The following NRG3 variants were observed in gnomAD, a reference collection of about 807,000 sequenced individuals.
NRG3 encodes neuregulin 3, also known as pro-neuregulin-3, membrane-bound isoform.
NRG3 carries 31 observed loss-of-function variants against 66.9 expected under a neutral mutation model. That is an observed-to-expected ratio of 0.46 (90% CI 0.35 to 0.63). NRG3 has a LOEUF of 0.63. Ranked by LOEUF, NRG3 falls within the 20% of genes least tolerant of loss-of-function variation. The pLI, the probability that NRG3 is intolerant of heterozygous loss-of-function variation, is 0.00. For synonymous variants in NRG3, 393 were observed against 359.4 expected, an observed-to-expected ratio of 1.09 and a Z score of -1.06; for missense variants, 910 against 878.9, an observed-to-expected ratio of 1.04 and a Z score of -0.45.
Position 82,093,513 on chromosome 10 carries a change from A to C in NRG3, c.823+217350A>C, listed in dbSNP as rs149182603. ...TATGTAATTACTGGGGCATTATGAA[A>C]GACTTCTGACATTGAGGAAATAGAT... On this transcript the variant is annotated intron_variant, in intron 1 of 8. Coordinates refer to ENST00000372141, the MANE Select transcript of NRG3 (RefSeq NM_001010848.4). Among the ~76,000 whole-genome samples, 484 of 152,336 alleles carry C rather than the reference A, an allele frequency of 3.2e-3. 4 individuals carry two copies. The highest frequency in any genetic ancestry group is 0.01 in the African/African-American group (425 of 41,582).
chr10:82,985,773 A>T lies in NRG3; in HGVS notation c.*168A>T. ...TTTTAACAAAATATTTTTTTAAGGG[A>T]AAGAAATGTTTCAGGAGGGATAAAG... On this transcript the variant is annotated 3_prime_UTR_variant, in exon 9 of 9. Transcript: ENST00000372141. 1.4e-6 allele frequency: 1 copy of T among 739,656 alleles called. No individual in the cohort carries two copies. The highest frequency in any genetic ancestry group is 1.8e-5 in the African/African-American group (1 of 56,278). 45.8% of individuals were successfully genotyped at this position (739,656 alleles called of 1,614,324 possible). A position where few individuals can be genotyped will look rare whatever the true frequency, so the allele number is the denominator to read the frequency against.
At chr10:82,705,557 C>A (rs1384866558) in intron 2 of NRG3, among the ~76,000 whole-genome samples, 1 of 152,178 alleles carries the variant, frequency 6.6e-6, no homozygotes, top group Non-Finnish European at 1.5e-5. Context: ...GCAGGGTCCA[C>A]AAGTGTTTTC....
chr10:82,028,226 C>T (rs1254377375), intron 1 of NRG3, among the ~76,000 whole-genome samples: 1 of 152,028 alleles, frequency 6.6e-6, no homozygotes, highest in East Asian at 1.9e-4. Context: ...GACACCATGC[C>T]TAGGAAACAC....
chr10:82,235,991 C>A (rs904864940), intron 1 of NRG3, among the ~76,000 whole-genome samples: 2 of 151,962 alleles, frequency 1.3e-5, no homozygotes, highest in African/African-American at 4.8e-5. Context: ...GACACGCACA[C>A]ACACACAGAC....
intron 3 of NRG3, among the ~76,000 whole-genome samples, chr10:82,843,639 A>G (rs1372796921): frequency 6.6e-6 from 1 of 152,218 alleles, no homozygotes; most frequent in Non-Finnish European, 1.5e-5. Context: ...CTAAAGACAG[A>G]TGTTAGGTGA....
rs149550824 is a variant in NRG3, at chr10:82,614,407, G to A, written c.954-124170G>A. Among the ~76,000 whole-genome samples, 534 of 152,260 alleles carry A rather than the reference G, an allele frequency of 3.5e-3. 1 individual carries two copies. Among genetic ancestry groups the A allele is most frequent in the Non-Finnish European group, 6.5e-3 (443 of 68,022 alleles). ...AGTATAAATACTAGAGCTTTATGCCGCTAGCTCAGAATTAATTTTTACAAA... is the reference window on the plus strand; with the variant it reads ...AGTATAAATACTAGAGCTTTATGCCACTAGCTCAGAATTAATTTTTACAAA... On this transcript the variant is annotated intron_variant, in intron 2 of 8. Transcript: ENST00000372141.
intron 1 of NRG3, among the ~76,000 whole-genome samples, chr10:81,994,749 C>T (rs187387416): frequency 4.6e-5 from 7 of 152,086 alleles, no homozygotes; most frequent in African/African-American, 1.7e-4. Context: ...ATATAGAAGT[C>T]AAATTTGAAG....
intron 1 of NRG3, among the ~76,000 whole-genome samples, chr10:82,111,515 A>G (rs1428959759): frequency 6.6e-6 from 1 of 152,112 alleles, no homozygotes; most frequent in South Asian, 2.1e-4. Flanking sequence ...GGCTTCCAAC[A>G]TTCTGTCATC....
chr10:82,327,194 A>G (rs2081917800), intron 1 of NRG3, among the ~76,000 whole-genome samples: 1 of 152,154 alleles, frequency 6.6e-6, no homozygotes, highest in African/African-American at 2.4e-5. Flanking sequence ...CTCAGAAGCA[A>G]GATTAGGATA....
intron 1 of NRG3, among the ~76,000 whole-genome samples, chr10:81,945,283 T>C (rs1273042682): frequency 4.6e-5 from 7 of 152,004 alleles, no homozygotes; most frequent in Non-Finnish European, 1.0e-4. Flanking sequence ...TCCTCCTCCT[T>C]CTTTTTCCTT....
intron 3 of NRG3, among the ~76,000 whole-genome samples, chr10:82,842,133 C>A (rs888294776): frequency 6.6e-6 from 1 of 152,154 alleles, no homozygotes; most frequent in Non-Finnish European, 1.5e-5. Context: ...CGCCTGTAAT[C>A]CCAGCTACTT....
In NRG3 at chr10:81,875,485, C is replaced by A; in HGVS notation, c.145C>A (p.Pro49Thr). Residue 49 changes from proline to threonine, a missense_variant, in exon 1 of 9, where the codon CCC (proline) becomes ACC (threonine). By Grantham distance (38) the Pro-to-Thr change is conservative. Transcript: ENST00000372141. This position sits in a 1 kb window ranked among gnomAD's most constrained non-coding sequence, Gnocchi z 5.3. Reference sequence around the variant, plus strand: ...CGGCGGCGAAGGGGCGGCCGAGCCCCCCCGGGAGTTACGCTGTAGCGACTG... The same window carrying A: ...CGGCGGCGAAGGGGCGGCCGAGCCCACCCGGGAGTTACGCTGTAGCGACTG... ...DGGGEGAAEP[P>T]RELRCSDCIV... 1 of 1,491,444 alleles carries A rather than the reference C, an allele frequency of 6.7e-7. No homozygotes were observed. The highest frequency in any genetic ancestry group is 1.4e-5 in the South Asian group (1 of 73,098). 92.4% of individuals were successfully genotyped at this position (1,491,444 alleles called of 1,614,324 possible).
At chr10:82,270,181 T>C (rs2078518940) in intron 1 of NRG3, among the ~76,000 whole-genome samples, 1 of 152,192 alleles carries the variant, frequency 6.6e-6, no homozygotes, top group East Asian at 1.9e-4. Context: ...GTCTGCACTC[T>C]GGAATACATC....
chr10:82,860,810 A>G (rs975114716), intron 3 of NRG3, among the ~76,000 whole-genome samples: 2 of 152,192 alleles, frequency 1.3e-5, no homozygotes, highest in African/African-American at 4.8e-5. Flanking sequence ...CTTCCACCCT[A>G]ATATCTGTGC....
intron 1 of NRG3, among the ~76,000 whole-genome samples, chr10:82,104,030 T>G (rs2066916952): frequency 6.6e-6 from 1 of 152,078 alleles, no homozygotes; most frequent in South Asian, 2.1e-4. Flanking sequence ...TCCACCCTCA[T>G]GTCAAAGTTG....
At chr10:82,788,143 A>T (rs2060445204) in intron 3 of NRG3, among the ~76,000 whole-genome samples, 1 of 152,152 alleles carries the variant, frequency 6.6e-6, no homozygotes, top group African/African-American at 2.4e-5. Context: ...TAGCATTGTT[A>T]TTGGTGTTTA....
intron 1 of NRG3, among the ~76,000 whole-genome samples, chr10:82,067,456 T>C (rs1358409377): frequency 2.0e-5 from 3 of 152,230 alleles, no homozygotes; most frequent in African/African-American, 7.2e-5. Context: ...CAAGCCATTC[T>C]CCTGCCTCAG....
chr10:82,532,558 T>C (rs1247595509), intron 2 of NRG3, among the ~76,000 whole-genome samples: 1 of 147,880 alleles, frequency 6.8e-6, no homozygotes, highest in Non-Finnish European at 1.5e-5. Flanking sequence ...TATATGTATA[T>C]AGTACTATAT....
At chr10:82,870,328 C>T (rs1841220449) in intron 4 of NRG3, among the ~76,000 whole-genome samples, 2 of 152,192 alleles carry the variant, frequency 1.3e-5, no homozygotes, top group Admixed American at 1.3e-4. Context: ...ATTACATTGT[C>T]ACCTTTTGAA....
Sources: gnomAD v4.1 joint callset for allele counts (sites outside exome capture counted in the v4.1 genomes callset) on GRCh38, gnomAD v4.1.1 for gene constraint, Gnocchi (gnomAD v3.1) non-coding constraint, MANE v1.5 for transcripts, NCBI Gene and HGNC (gene_info 2026-07-23, HGNC 2026-07-21) for gene names.